KIF15: variants seen among roughly 807,000 people sequenced by gnomAD.
KIF15 encodes the protein kinesin-like protein KIF15.
A neutral mutation model predicts 190.6 loss-of-function variants in KIF15; 140 were observed. That is an observed-to-expected ratio of 0.73 (90% confidence interval 0.64 to 0.84). The LOEUF (loss-of-function observed/expected upper bound fraction) is 0.84, where lower values mean the gene tolerates loss of function less well. KIF15 is among the 40% of genes least tolerant of loss of function. The probability of loss-of-function intolerance (pLI) is 0.00; values close to 1 mark genes in which losing one functional copy is unlikely to be tolerated. For synonymous variants in KIF15, 528 were observed against 551.3 expected, an observed-to-expected ratio of 0.96 and a Z score of 0.59; for missense variants, 1,372 against 1,584.4, an observed-to-expected ratio of 0.87 and a Z score of 2.28.
At chr3:44,798,055 AT>A (rs1357193577) in intron 10 of KIF15, 99 bp downstream of exon 10, 6 of 1,100,466 alleles carry the variant, frequency 5.5e-6, no homozygotes, top group Non-Finnish European at 7.5e-6. Context: ...ATTAACTTTT[AT>A]TTATTTCTCA....
chr3:44,848,954 T>C (rs1463245870), intron 32 of KIF15, among the ~76,000 whole-genome samples: 1 of 152,224 alleles, frequency 6.6e-6, no homozygotes, highest in Non-Finnish European at 1.5e-5. Context: ...GGTCTCTTTA[T>C]GTTTTCTAAA....
At chr3:44,820,163 G>C (rs1708200536) in intron 20 of KIF15, among the ~76,000 whole-genome samples, 1 of 152,048 alleles carries the variant, frequency 6.6e-6, no homozygotes, top group Non-Finnish European at 1.5e-5. Context: ...TGGGTCTCCT[G>C]AATACAGCAC....
In KIF15 at chr3:44,841,156, C is replaced by G. The variant is rs751078688; in HGVS notation, c.3503C>G (p.Ala1168Gly). Residue 1168 changes from alanine to glycine, a missense_variant, in exon 29 of 35, where the codon GCC becomes GGC. By Grantham distance (60) the Ala-to-Gly change is moderately conservative. Coordinates refer to ENST00000326047, the MANE Select transcript of KIF15 (RefSeq NM_020242.3). ...GAACAAGAGATAGAAGATGGAAGAG[C>G]CTCTAAGACTTCTTTGGAACACCTT... ...TQEQEIEDGR[A>G]SKTSLEHLVT... 3 of 1,612,560 alleles carry G rather than the reference C, an allele frequency of 1.9e-6. No homozygotes were observed. Among genetic ancestry groups the G allele is most frequent in the South Asian group, 1.1e-5 (1 of 91,034 alleles).
rs1419773152 is a variant in KIF15, at chr3:44,820,880, G to A, written c.2550-5159G>A. Among the ~76,000 whole-genome samples, 401 of 152,316 alleles carry A rather than the reference G, an allele frequency of 2.6e-3. 1 individual carries two copies. The highest frequency in any genetic ancestry group is 0.014 in the Middle Eastern group (4 of 294). ...GAGCTGCCGGGCACACCTCCCAGACGGGGTGGTGGCCGGGCAGAGGGGCTC... is the reference window on the plus strand; with the variant it reads ...GAGCTGCCGGGCACACCTCCCAGACAGGGTGGTGGCCGGGCAGAGGGGCTC... On this transcript the variant is annotated intron_variant, in intron 20 of 34. Coordinates refer to ENST00000326047, the MANE Select transcript of KIF15 (RefSeq NM_020242.3).
chr3:44,810,027 A>C (rs930172247), intron 16 of KIF15, among the ~76,000 whole-genome samples: 1 of 152,124 alleles, frequency 6.6e-6, no homozygotes, highest in African/African-American at 2.4e-5. Flanking sequence ...AGATTACACC[A>C]CTGCACTCCA....
At chr3:44,818,104 C>G (rs903429154) in intron 20 of KIF15, among the ~76,000 whole-genome samples, 3 of 152,170 alleles carry the variant, frequency 2.0e-5, no homozygotes, top group African/African-American at 7.2e-5. Flanking sequence ...TATCCTGAGA[C>G]TTTGCTGAAG....
intron 5 of KIF15, among the ~76,000 whole-genome samples, chr3:44,783,732 G>A (rs920884169): frequency 6.6e-6 from 1 of 151,930 alleles, no homozygotes; most frequent in African/African-American, 2.4e-5. Context: ...AATATTCCAG[G>A]TGTGGTACAA....
intron 26 of KIF15, among the ~76,000 whole-genome samples, chr3:44,834,524 A>G (rs1698215383): frequency 6.6e-6 from 1 of 152,242 alleles, no homozygotes; most frequent in African/African-American, 2.4e-5. Context: ...CTATTCACAA[A>G]AACAACCAAA....
chr3:44,833,538 A>G (rs899691278), intron 26 of KIF15, among the ~76,000 whole-genome samples: 2 of 151,916 alleles, frequency 1.3e-5, no homozygotes, highest in South Asian at 2.1e-4. Flanking sequence ...GCAGTTTGCA[A>G]TAGAGTTAAT....
chr3:44,861,062 G>C (rs1407793400), intron 6 of KIF15, among the ~76,000 whole-genome samples: 1 of 152,142 alleles, frequency 6.6e-6, no homozygotes, highest in Non-Finnish European at 1.5e-5. Context: ...CATGATCTCA[G>C]CTCACCACAA....
chr3:44,814,996 A>G lies in KIF15; in HGVS notation c.2469A>G (p.Ser823=), dbSNP rs1429101733. The part of the protein sequence containing the change: ...ELSSVKLEYS[S]FKTNQEKEFN... ...CTTCAGTGAAATTGGAATATAGTTC[A>G]TTCAAAACGAATCAGGAGAAAGAAT... The change falls in exon 20 of 35, where the codon TCA becomes TCG. Residue 823 remains serine, a synonymous_variant. Coordinates refer to ENST00000326047, the MANE Select transcript of KIF15 (RefSeq NM_020242.3). 4.3e-6 allele frequency: 7 copies of G among 1,613,356 alleles called. No homozygotes were observed. The highest frequency in any genetic ancestry group is 2.2e-5 in the East Asian group (1 of 44,832).
chr3:44,773,767 C>T (rs578054167), intron 1 of KIF15, among the ~76,000 whole-genome samples: 1 of 152,274 alleles, frequency 6.6e-6, no homozygotes, highest in South Asian at 2.1e-4. Context: ...CTTATATGGG[C>T]CACCAAAATG....
intron 27 of KIF15, among the ~76,000 whole-genome samples, chr3:44,839,783 T>A (rs536416271): frequency 6.6e-6 from 1 of 152,364 alleles, no homozygotes; most frequent in African/African-American, 2.4e-5. Flanking sequence ...GGTATTTGTC[T>A]TTCTGTGCTG....
chr3:44,784,324 T>C (rs1051021140), intron 5 of KIF15, among the ~76,000 whole-genome samples: 3 of 151,400 alleles, frequency 2.0e-5, no homozygotes, highest in African/African-American at 4.9e-5. Context: ...AGGCGCCCGC[T>C]ACCACGCCCG....
chr3:44,837,175 TA>T, intron 26 of KIF15, among the ~76,000 whole-genome samples: 1 of 152,326 alleles, frequency 6.6e-6, no homozygotes, highest in East Asian at 1.9e-4. Context: ...CAAATTAAAA[TA>T]ACAGCTATTT....
At chr3:44,809,408 T>C (rs1393524472) in intron 16 of KIF15, among the ~76,000 whole-genome samples, 1 of 152,340 alleles carries the variant, frequency 6.6e-6, no homozygotes, top group East Asian at 1.9e-4. Flanking sequence ...TTTTGTTATA[T>C]AGAAGTTTTA....
In KIF15 at chr3:44,838,066, A is replaced by G. The variant is rs115527571; in HGVS notation, c.3172-209A>G. ...GTTAAACCTCAATTGGGATACCTAT[A>G]TATGTTTACTGTAATAATGTTAATC... is the stretch of plus-strand genomic sequence containing the variant. On this transcript the variant is annotated intron_variant, in intron 26 of 34. Transcript: ENST00000326047. Among the ~76,000 whole-genome samples the G allele has an allele frequency of 6.0e-3, 914 of 152,314 alleles. 5 individuals are homozygous for G. The highest frequency in any genetic ancestry group is 0.021 in the African/African-American group (882 of 41,572).
intron 20 of KIF15, among the ~76,000 whole-genome samples, 163 bp from the exon 21 acceptor site, chr3:44,825,876 A>G (rs1433915742): frequency 6.6e-6 from 1 of 152,216 alleles, no homozygotes; most frequent in Non-Finnish European, 1.5e-5. Context: ...ATGTTTGTGC[A>G]TCATGGACAT....
At chr3:44,820,144 C>A (rs895220560) in intron 20 of KIF15, among the ~76,000 whole-genome samples, 1 of 152,082 alleles carries the variant, frequency 6.6e-6, no homozygotes, top group Non-Finnish European at 1.5e-5. Context: ...TGTGTCTCTG[C>A]ACGTAAGATG....
Sources: gnomAD v4.1 joint callset for allele counts (sites outside exome capture counted in the v4.1 genomes callset) on GRCh38, gnomAD v4.1.1 for gene constraint, MANE v1.5 for transcripts, NCBI Gene and HGNC (gene_info 2026-07-23, HGNC 2026-07-21) for gene names.